The following GHR variants were observed in gnomAD, a reference collection of about 807,000 sequenced individuals.
GHR encodes the protein growth hormone receptor.
Under a neutral mutation model 67.1 loss-of-function variants are expected in GHR, and 35 were observed. The ratio of observed to expected loss-of-function variants is 0.52; its 90% CI spans 0.40 to 0.69. The LOEUF is 0.69. Ranked by LOEUF, GHR falls within the 30% of genes least tolerant of loss-of-function variation. The pLI is 0.00. For synonymous variants in GHR, 272 were observed against 269.1 expected (o/e 1.01, Z -0.10); for missense variants, 792 against 764.6 (o/e 1.04, Z -0.42).
chr5:42,630,156 T>C lies in GHR; in HGVS notation c.136+1053T>C, dbSNP rs1400509710. ...TTAGTGTGTGTGTTAGCCCTGCATA[T>C]AGAACTCACCAGATTGTGTGGACTG... is the stretch of plus-strand genomic sequence containing the variant. On this transcript the variant is annotated intron_variant, in intron 3 of 9. Transcript: ENST00000230882. Among the ~76,000 whole-genome samples, 7 of 132,382 alleles carry C rather than the reference T, an allele frequency of 5.3e-5. 2 individuals are homozygous for C. Among genetic ancestry groups the C allele is most frequent in the Non-Finnish European group, 1.1e-4 (7 of 62,522 alleles). The allele number at this position is 132,382 out of a possible 152,430, so 86.8% of individuals were successfully genotyped here. A position where few individuals can be genotyped will look rare whatever the true frequency, so the allele number is the denominator to read the frequency against.
intron 1 of GHR, among the ~76,000 whole-genome samples, chr5:42,505,122 G>GTTTTTTTTTTTTTTT (rs35690685): frequency 7.4e-6 from 1 of 134,910 alleles, no homozygotes; most frequent in Non-Finnish European, 1.6e-5. Flanking sequence ...GCTGTTGACT[G>GTTTTTTTTTTTTTTT]TTTTTTTTTT....
At chr5:42,500,982 T>C (rs983841286) in intron 1 of GHR, among the ~76,000 whole-genome samples, 2 of 152,212 alleles carry the variant, frequency 1.3e-5, no homozygotes, top group African/African-American at 4.8e-5. Flanking sequence ...GAGTATTCAA[T>C]TGCTTGAGTT....
chr5:42,504,652 G>A (rs1442166241), intron 1 of GHR, among the ~76,000 whole-genome samples: 2 of 152,054 alleles, frequency 1.3e-5, no homozygotes, highest in East Asian at 1.9e-4. Context: ...CCAGCTACTC[G>A]GGAGGCTGAG....
chr5:42,539,030 AT>A (rs1033029111), intron 1 of GHR, among the ~76,000 whole-genome samples: 3 of 151,346 alleles, frequency 2.0e-5, no homozygotes, highest in African/African-American at 7.3e-5. Context: ...TGAAGTTTTG[AT>A]TTTTTTTCTT....
intron 2 of GHR, among the ~76,000 whole-genome samples, chr5:42,620,994 T>G (rs914795629): frequency 6.6e-6 from 1 of 152,276 alleles, no homozygotes; most frequent in South Asian, 2.1e-4. Flanking sequence ...GGATTAATAT[T>G]GGCCCAGTGC....
intron 1 of GHR, chr5:42,565,581 G>T (rs1749877372): frequency 1.0e-6 from 1 of 985,296 alleles, no homozygotes; most frequent in Admixed American, 6.1e-5. Flanking sequence ...GTCGTTTGCT[G>T]TGAGGTGTTT....
chr5:42,658,649 T>TC (rs1755391017), intron 3 of GHR, among the ~76,000 whole-genome samples: 2 of 151,950 alleles, frequency 1.3e-5, no homozygotes, highest in Non-Finnish European at 2.9e-5. Context: ...GGTGATTTTT[T>TC]TCCCCCCAGG....
intron 1 of GHR, among the ~76,000 whole-genome samples, chr5:42,457,776 T>A (rs930641920): frequency 6.6e-6 from 1 of 152,180 alleles, no homozygotes; most frequent in Non-Finnish European, 1.5e-5. Context: ...ATTACAGAAT[T>A]CCATGAACAT....
At chr5:42,641,974 A>T (rs1244086756) in intron 3 of GHR, among the ~76,000 whole-genome samples, 1 of 152,136 alleles carries the variant, frequency 6.6e-6, no homozygotes, top group Non-Finnish European at 1.5e-5. Context: ...AAACCAAAAG[A>T]CTGAGAGGGA....
At position 42,424,819 on chromosome 5, in the gene GHR, C is replaced by A. The variant is rs1742778063; in HGVS notation, c.-12+864C>A. 6.6e-6 allele frequency among the ~76,000 whole-genome samples: 1 copy of A among 152,032 alleles called. No individual in the cohort carries two copies. Among genetic ancestry groups the A allele is most frequent in the South Asian group, 2.1e-4 (1 of 4,826 alleles). On this transcript the variant is annotated intron_variant, in intron 1 of 9. Coordinates refer to ENST00000230882, the MANE Select transcript of GHR (RefSeq NM_000163.5). The surrounding 1 kb of genome is among the most constrained non-coding windows in gnomAD (Gnocchi z 4.1). ...TGGGGCGAGTGCTTTATATATAGCC[C>A]GAGGGGATGCCTGCTGAGACCGAGC...
chr5:42,686,789 A>G (rs1757170077), intron 3 of GHR, among the ~76,000 whole-genome samples: 1 of 152,204 alleles, frequency 6.6e-6, no homozygotes, highest in Non-Finnish European at 1.5e-5. Flanking sequence ...GCCCTCTCTC[A>G]CCATTCCTTT....
chr5:42,549,773 CT>C (rs1488788005), intron 1 of GHR: 2 of 500,222 alleles, frequency 4.0e-6, no homozygotes, highest in Non-Finnish European at 5.2e-6. Flanking sequence ...GAAACAGAGG[CT>C]ATAAATTGGC....
intron 1 of GHR, among the ~76,000 whole-genome samples, chr5:42,564,407 G>T (rs1056032294): frequency 6.6e-6 from 1 of 151,328 alleles, no homozygotes; most frequent in African/African-American, 2.4e-5. Flanking sequence ...TGTTTCTCAC[G>T]TGAAATCTCA....
rs755252595 is a variant in GHR at position 42,719,303 on chromosome 5, A to T, written c.1796A>T (p.His599Leu). ...CCTGTCCCAGACTATACCTCCATTC[A>T]TATAGTACAGTCCCCACAGGGCCTC... Reference protein sequence around the residue: ...EMPVPDYTSIHIVQSPQGLIL... With the variant: ...EMPVPDYTSILIVQSPQGLIL... Residue 599 changes from histidine to leucine, a missense_variant, in exon 10 of 10, where the codon CAT becomes CTT. His to Leu is a moderately conservative substitution (Grantham distance 99, BLOSUM62 -3). Coordinates refer to ENST00000230882, the MANE Select transcript of GHR (RefSeq NM_000163.5). 39 of 1,614,048 alleles carry T rather than the reference A, an allele frequency of 2.4e-5. No homozygotes were observed. The highest frequency in any genetic ancestry group is 3.2e-5 in the Non-Finnish European group (38 of 1,180,006).
At chr5:42,487,512 A>T (rs953826421) in intron 1 of GHR, among the ~76,000 whole-genome samples, 14 of 152,210 alleles carry the variant, frequency 9.2e-5, no homozygotes, top group Non-Finnish European at 1.0e-4. Flanking sequence ...ATGAATAGAG[A>T]TCATGAAATA....
chr5:42,608,942 C>A (rs73087427), intron 2 of GHR, among the ~76,000 whole-genome samples: 4,109 of 151,982 alleles, frequency 0.027, 145 homozygotes, highest in African/African-American at 0.081. Flanking sequence ...TTTATTTTAA[C>A]TATCAATCAA....
chr5:42,616,938 A>G (rs1753184671), intron 2 of GHR, among the ~76,000 whole-genome samples: 1 of 152,074 alleles, frequency 6.6e-6, no homozygotes, highest in South Asian at 2.1e-4. Context: ...TGATATGAAC[A>G]GGTTTAGTGG....
At chr5:42,545,189 T>A (rs1254895378) in intron 1 of GHR, among the ~76,000 whole-genome samples, 1 of 152,162 alleles carries the variant, frequency 6.6e-6, no homozygotes, top group Non-Finnish European at 1.5e-5. Flanking sequence ...ATTTCAAGCA[T>A]TTTCTCTTGG....
chr5:42,510,467 A>C (rs1462691595), intron 1 of GHR, among the ~76,000 whole-genome samples: 3 of 152,200 alleles, frequency 2.0e-5, no homozygotes, highest in Non-Finnish European at 4.4e-5. Context: ...TGTTTCTGCT[A>C]TAACGCTATT....
Sources: allele counts gnomAD v4.1 joint callset (sites outside exome capture counted in the v4.1 genomes callset), GRCh38; gene constraint gnomAD v4.1.1; non-coding constraint Gnocchi (gnomAD v3.1); transcripts MANE v1.5; gene names NCBI Gene and HGNC (gene_info 2026-07-23, HGNC 2026-07-21).